Variants in DCDC1 observed in about 807,000 individuals in gnomAD.
DCDC1 encodes the protein doublecortin domain-containing protein 1.
A neutral mutation model predicts 178.3 loss-of-function variants in DCDC1; 200 were observed. The observed-to-expected ratio is 1.12, with a 90% CI of 1.00 to 1.26. DCDC1 has a LOEUF of 1.26. Among genes scored for constraint, DCDC1 ranks in the 50% most tolerant of loss-of-function variants. The pLI, the probability that DCDC1 is intolerant of heterozygous loss-of-function variation, is 0.00. For missense variants in DCDC1, 1,983 were observed against 1,749.2 expected (o/e 1.13, Z -2.38); for synonymous variants, 690 against 604.8 (o/e 1.14, Z -2.07).
intron 3 of DCDC1, among the ~76,000 whole-genome samples, chr11:31,315,632 G>A (rs531502207): frequency 6.8e-5 from 10 of 146,190 alleles, no homozygotes; most frequent in East Asian, 4.0e-4. Flanking sequence ...CACCATGCCC[G>A]GCCATCTGCA....
At chr11:31,032,234 C>T (rs16921698) in intron 20 of DCDC1, among the ~76,000 whole-genome samples, 2,287 of 152,184 alleles carry the variant, frequency 0.015, 51 homozygotes, top group African/African-American at 0.051. Context: ...AGAAATATTG[C>T]TTCAGATTAA....
chr11:30,916,726 A>C, intron 26 of DCDC1, 144 bp downstream of exon 26: 1 of 1,026,764 alleles, frequency 9.7e-7, no homozygotes, highest in Non-Finnish European at 1.3e-6. Flanking sequence ...TAAATATTTT[A>C]ATCAAAAACA....
Position 31,305,726 on chromosome 11 carries a change from C to G in DCDC1, c.643G>C (p.Val215Leu). Residue 215 changes from valine to leucine, a missense_variant, in exon 6 of 39, where the codon GTG becomes CTG. Physicochemically the swap from Val to Leu is conservative, Grantham distance 32. Transcript: ENST00000684477. ...GCTTCCTTGCCGTCTGCCAAGAACA[C>G]TCGTCTTGCGGCCATGTTCAGATTC... ...KLNLNMAARR[V>L]FLADGKEALE... 2 of 1,613,758 alleles carry G rather than the reference C, an allele frequency of 1.2e-6. No homozygotes were observed. Among genetic ancestry groups the G allele is most frequent in the Non-Finnish European group, 1.7e-6 (2 of 1,179,850 alleles).
intron 9 of DCDC1, among the ~76,000 whole-genome samples, chr11:31,141,212 C>A (rs1963786204): frequency 6.6e-6 from 1 of 152,094 alleles, no homozygotes. Flanking sequence ...ATGTTAAGAT[C>A]TTTAAAAATC....
chr11:31,285,152 T>C (rs1002574497), intron 7 of DCDC1, among the ~76,000 whole-genome samples: 4 of 152,008 alleles, frequency 2.6e-5, no homozygotes, highest in East Asian at 1.9e-4. Context: ...CAATTATATA[T>C]AGAAATTCAC....
intron 11 of DCDC1, among the ~76,000 whole-genome samples, chr11:31,126,996 C>T (rs1221210285): frequency 2.0e-5 from 3 of 152,198 alleles, no homozygotes; most frequent in African/African-American, 7.2e-5. Context: ...TGAACTCCAA[C>T]ATGTGTCACA....
At chr11:30,967,412 C>T (rs548736441) in intron 20 of DCDC1, among the ~76,000 whole-genome samples, 2 of 152,044 alleles carry the variant, frequency 1.3e-5, no homozygotes, top group East Asian at 1.9e-4. Flanking sequence ...AAAACCCCAT[C>T]GTCTCAGCCC....
At chr11:31,067,067 G>A (rs181421795) in intron 18 of DCDC1, among the ~76,000 whole-genome samples, 39 of 152,160 alleles carry the variant, frequency 2.6e-4, no homozygotes, top group Non-Finnish European at 4.6e-4. Context: ...TCCACCAAAA[G>A]CACAAGTGAC....
At chr11:31,117,818 G>A (rs1960197976) in intron 11 of DCDC1, among the ~76,000 whole-genome samples, 1 of 151,930 alleles carries the variant, frequency 6.6e-6, no homozygotes, top group Non-Finnish European at 1.5e-5. Context: ...TGCGTGTCAT[G>A]TCCTAAGCCA....
chr11:31,060,079 C>A (rs1955827867), intron 20 of DCDC1, among the ~76,000 whole-genome samples: 1 of 152,000 alleles, frequency 6.6e-6, no homozygotes, highest in African/African-American at 2.4e-5. Flanking sequence ...TTTCAAGCTT[C>A]ATTTCTCCTA....
chr11:30,949,135 A>T (rs1948249774), intron 21 of DCDC1, among the ~76,000 whole-genome samples: 1 of 152,208 alleles, frequency 6.6e-6, no homozygotes, highest in Admixed American at 6.5e-5. Context: ...CAGAATCTAC[A>T]AAGAACTTAA....
At chr11:30,912,574 T>G (rs1489792093) in intron 27 of DCDC1, among the ~76,000 whole-genome samples, 6 of 152,140 alleles carry the variant, frequency 3.9e-5, no homozygotes, top group Non-Finnish European at 7.4e-5. Flanking sequence ...TGAGCCACCA[T>G]GCCCGGCCCT....
chr11:31,022,688 G>GTGTGT (rs1952963262), intron 20 of DCDC1, among the ~76,000 whole-genome samples: 1 of 85,996 alleles, frequency 1.2e-5, no homozygotes. Flanking sequence ...TGTGTGTGTG[G>GTGTGT]TATGTGTTTA....
intron 22 of DCDC1, among the ~76,000 whole-genome samples, chr11:30,930,907 T>G (rs1310829034): frequency 1.3e-5 from 2 of 152,148 alleles, no homozygotes; most frequent in African/African-American, 2.4e-5. Context: ...TGAAGTTTAA[T>G]TTTTTACTTT....
At chr11:30,898,979 A>C (rs1944446382) in intron 34 of DCDC1, among the ~76,000 whole-genome samples, 1 of 152,174 alleles carries the variant, frequency 6.6e-6, no homozygotes, top group Admixed American at 6.6e-5. Context: ...TCTGTGTTAA[A>C]GAGAATGGAA....
At chr11:30,913,125 T>A (rs1945563541) in intron 27 of DCDC1, among the ~76,000 whole-genome samples, 1 of 152,072 alleles carries the variant, frequency 6.6e-6, no homozygotes, top group African/African-American at 2.4e-5. Context: ...CAACAAGACT[T>A]CTGCAAAAAC....
chr11:30,924,989 C>T (rs2134269906), intron 23 of DCDC1, among the ~76,000 whole-genome samples: 1 of 151,914 alleles, frequency 6.6e-6, no homozygotes, highest in South Asian at 2.1e-4. Context: ...GGAAGAATTG[C>T]TTGAGCATGG....
intron 9 of DCDC1, among the ~76,000 whole-genome samples, chr11:31,192,021 T>C (rs1203708260): frequency 2.6e-5 from 4 of 152,190 alleles, no homozygotes; most frequent in Non-Finnish European, 5.9e-5. Context: ...AATGGCACAA[T>C]CTTATCATAC....
Position 31,291,917 on chromosome 11 carries a change from T to C in DCDC1, c.755-1065A>G, listed in dbSNP as rs117116747. 7.4e-3 allele frequency among the ~76,000 whole-genome samples: 1,133 copies of C among 152,186 alleles called. 8 individuals are homozygous for C. The highest frequency in any genetic ancestry group is 0.013 in the Non-Finnish European group (876 of 67,980). On this transcript the variant is annotated intron_variant, in intron 6 of 38. Transcript: ENST00000684477. ...TTACTTTACATAAAATCTGCTAATA[T>C]TGATATGAAAAACAAGCCAGTGGTT...
Sources: allele counts gnomAD v4.1 joint callset (sites outside exome capture counted in the v4.1 genomes callset), GRCh38; gene constraint gnomAD v4.1.1; transcripts MANE v1.5; gene names NCBI Gene and HGNC (gene_info 2026-07-23, HGNC 2026-07-21).